Variants in MGAT4C observed in about 807,000 individuals in gnomAD.
MGAT4C encodes the protein alpha-1,3-mannosyl-glycoprotein 4-beta-N-acetylglucosaminyltransferase C.
MGAT4C carries 19 observed loss-of-function variants against 40.1 expected under a neutral mutation model. That is an observed-to-expected ratio of 0.47 (90% CI 0.33 to 0.70). MGAT4C has a LOEUF of 0.70. Ranked by LOEUF, MGAT4C falls within the 30% of genes least tolerant of loss-of-function variation. The pLI is 0.02. For missense variants in MGAT4C, 491 were observed against 563.2 expected (o/e 0.87, Z 1.30); for synonymous variants, 181 against 187.1 (o/e 0.97, Z 0.27).
intron 1 of MGAT4C, among the ~76,000 whole-genome samples, chr12:86,227,607 T>C (rs936667428): frequency 3.3e-5 from 5 of 151,976 alleles, no homozygotes; most frequent in Non-Finnish European, 5.9e-5. Flanking sequence ...ATATAGTTAT[T>C]CTCATAATAT....
chr12:86,272,140 C>G (rs188841253), intron 4 of MGAT4C, among the ~76,000 whole-genome samples: 27 of 152,184 alleles, frequency 1.8e-4, no homozygotes, highest in Admixed American at 1.0e-3. Context: ...TATGAATATC[C>G]TAAATACACT....
Position 85,959,550 on chromosome 12 carries a change from C to T in MGAT4C, c.*19739G>A, listed in dbSNP as rs1285508377. 6.6e-6 allele frequency: 1 copy of T among 151,918 alleles called. No individual in the cohort carries two copies. Among genetic ancestry groups the T allele is most frequent in the Non-Finnish European group, 1.5e-5 (1 of 67,942 alleles). 9.4% of individuals were successfully genotyped at this position (151,918 alleles called of 1,614,324 possible). On this transcript the variant is annotated 3_prime_UTR_variant, in exon 5 of 5. Transcript: ENST00000611864. The stretch of plus-strand genomic sequence containing the variant: ...GCTTTAATTCAAATGAATTTTACTA[C>T]TTTAGACAAAGGTACAACACTCTAT...
chr12:86,022,094 TTTA>T (rs1442157359), intron 2 of MGAT4C, among the ~76,000 whole-genome samples: 1 of 152,232 alleles, frequency 6.6e-6, no homozygotes, highest in Non-Finnish European at 1.5e-5. Context: ...TTACCATTCA[TTTA>T]TTATTTCACT....
intron 4 of MGAT4C, among the ~76,000 whole-genome samples, chr12:86,278,278 A>G (rs1953128122): frequency 6.7e-6 from 1 of 148,152 alleles, no homozygotes; most frequent in Non-Finnish European, 1.5e-5. Context: ...TCCTGGATTC[A>G]AGTGATTCTC....
chr12:86,368,128 A>C (rs1376793957), intron 3 of MGAT4C, among the ~76,000 whole-genome samples: 1 of 152,140 alleles, frequency 6.6e-6, no homozygotes, highest in African/African-American at 2.4e-5. Flanking sequence ...AATATGGGGT[A>C]AATTAGGAAA....
intron 1 of MGAT4C, among the ~76,000 whole-genome samples, chr12:86,799,953 T>C (rs562575770): frequency 2.0e-5 from 3 of 151,920 alleles, no homozygotes; most frequent in African/African-American, 2.4e-5. Context: ...GGCAGATGCA[T>C]TGAGTTGTTT....
intron 1 of MGAT4C, among the ~76,000 whole-genome samples, chr12:86,144,633 T>C (rs1030103119): frequency 6.6e-6 from 1 of 152,212 alleles, no homozygotes; most frequent in African/African-American, 2.4e-5. Context: ...CTCAGTATTA[T>C]ACATCACAAC....
At chr12:86,213,378 C>G (rs1950557652) in intron 1 of MGAT4C, among the ~76,000 whole-genome samples, 1 of 152,126 alleles carries the variant, frequency 6.6e-6, no homozygotes, top group Non-Finnish European at 1.5e-5. Flanking sequence ...TTCACAGATA[C>G]AGAGCAAAAT....
At chr12:86,389,053 T>A (rs1294690103) in intron 3 of MGAT4C, among the ~76,000 whole-genome samples, 1 of 152,196 alleles carries the variant, frequency 6.6e-6, no homozygotes, top group African/African-American at 2.4e-5. Context: ...ATTTTATTTT[T>A]TAACTTTTAA....
intron 2 of MGAT4C, among the ~76,000 whole-genome samples, chr12:86,658,331 A>G (rs1963897955): frequency 6.6e-6 from 1 of 152,068 alleles, no homozygotes; most frequent in Admixed American, 6.6e-5. Context: ...TTTAGCAAAA[A>G]ACATCTTTGA....
In MGAT4C at chr12:86,418,590, CAATAAATAAATA is replaced by C. The variant is rs57242289; in HGVS notation, c.-120+16555_-120+16566del. 4.6e-4 allele frequency among the ~76,000 whole-genome samples: 67 copies of C among 145,752 alleles called. 1 individual carries two copies. The highest frequency in any genetic ancestry group is 1.7e-3 in the Admixed American group (25 of 14,368). Reference sequence around the variant, plus strand: ...TGGGCAACAGAGCAAGACTCCATCTCAATAAATAAATAAATAAATAAATAAATAAATAAATAA... The same window carrying C: ...TGGGCAACAGAGCAAGACTCCATCTCAATAAATAAATAAATAAATAAATAA... On this transcript the variant is annotated intron_variant, in intron 3 of 7. Transcript: ENST00000548651.
At chr12:86,396,591 A>G (rs1956267551) in intron 3 of MGAT4C, among the ~76,000 whole-genome samples, 1 of 152,180 alleles carries the variant, frequency 6.6e-6, no homozygotes, top group African/African-American at 2.4e-5. Flanking sequence ...TTTTCTAAAC[A>G]AACAAAATGA....
chr12:86,234,570 G>T (rs1377271673), intron 1 of MGAT4C, among the ~76,000 whole-genome samples: 1 of 152,082 alleles, frequency 6.6e-6, no homozygotes, highest in Non-Finnish European at 1.5e-5. Context: ...ATAAGTCCTG[G>T]TTTGCACTGA....
intron 4 of MGAT4C, among the ~76,000 whole-genome samples, chr12:86,313,696 T>C (rs1004130794): frequency 1.3e-5 from 2 of 152,198 alleles, no homozygotes; most frequent in Non-Finnish European, 2.9e-5. Flanking sequence ...TTAACTAAAT[T>C]ACGTCTTAGC....
intron 1 of MGAT4C, among the ~76,000 whole-genome samples, chr12:86,255,340 T>C (rs1486508669): frequency 5.3e-5 from 8 of 152,232 alleles, no homozygotes; most frequent in African/African-American, 1.7e-4. Context: ...TCATTTGTTA[T>C]CATGTGAACA....
chr12:86,011,704 G>T, intron 2 of MGAT4C: 1 of 334,398 alleles, frequency 3.0e-6, no homozygotes, highest in Non-Finnish European at 4.3e-6. Context: ...TAGTAACTTA[G>T]GGTCCCAGTG....
intron 2 of MGAT4C, among the ~76,000 whole-genome samples, chr12:86,483,901 A>G (rs144739899): frequency 6.7e-6 from 1 of 150,220 alleles, no homozygotes; most frequent in African/African-American, 2.5e-5. Flanking sequence ...GTACACCAAC[A>G]TATTTTAAAC....
chr12:86,222,130 G>T (rs550060492), intron 1 of MGAT4C, among the ~76,000 whole-genome samples: 1 of 152,206 alleles, frequency 6.6e-6, no homozygotes, highest in South Asian at 2.1e-4. Context: ...ATAAGCTCTT[G>T]CTCTCTCTCT....
At chr12:86,101,838 T>C (rs1463283095) in intron 1 of MGAT4C, among the ~76,000 whole-genome samples, 1 of 151,968 alleles carries the variant, frequency 6.6e-6, no homozygotes, top group African/African-American at 2.4e-5. Flanking sequence ...TTAAAGGCTA[T>C]GCATTATGAA....
Sources: allele counts gnomAD v4.1 joint callset (sites outside exome capture counted in the v4.1 genomes callset), GRCh38; gene constraint gnomAD v4.1.1; transcripts MANE v1.5; gene names NCBI Gene and HGNC (gene_info 2026-07-23, HGNC 2026-07-21).